Variants in CLEC16A observed in about 807,000 individuals in gnomAD.
CLEC16A encodes C-type lectin domain containing 16A.
Under a neutral mutation model 109.5 loss-of-function variants are expected in CLEC16A, and 51 were observed. The ratio of observed to expected loss-of-function variants is 0.47; its 90% confidence interval spans 0.37 to 0.59. CLEC16A has a LOEUF of 0.59. Ranked by LOEUF, CLEC16A falls within the 20% of genes least tolerant of loss-of-function variation. The pLI is 0.00. For synonymous variants in CLEC16A, 673 were observed against 564.2 expected (o/e 1.19, Z -2.73); for missense variants, 1,339 against 1,394.0 (o/e 0.96, Z 0.63).
chr16:11,160,550 C>T (rs1455676804), intron 22 of CLEC16A, among the ~76,000 whole-genome samples: 1 of 152,192 alleles, frequency 6.6e-6, no homozygotes, highest in Non-Finnish European at 1.5e-5. Flanking sequence ...ACCTAGATTC[C>T]ACCCAGCAGG....
intron 10 of CLEC16A, among the ~76,000 whole-genome samples, chr16:10,996,291 G>A (rs1435709325): frequency 2.0e-5 from 3 of 152,164 alleles, no homozygotes; most frequent in Non-Finnish European, 4.4e-5. Context: ...CTGGCTGGCC[G>A]GGGACCACTG....
chr16:11,052,201 G>A (rs894060120), intron 18 of CLEC16A, among the ~76,000 whole-genome samples: 1 of 152,188 alleles, frequency 6.6e-6, no homozygotes, highest in African/African-American at 2.4e-5. Flanking sequence ...CTAGGAAGCA[G>A]TGTCCTCAGG....
In CLEC16A at chr16:11,027,873, T is replaced by A; in HGVS notation, c.1537+2952T>A. The stretch of plus-strand genomic sequence containing the variant: ...CTTCAGAGAAGATTATTTCCTGCTC[T>A]GTCTTCAAAAACTGGAAAGGAAGGG... On this transcript the variant is annotated intron_variant, in intron 13 of 23. Transcript: ENST00000409790. The A allele has an allele frequency of 9.4e-6, 6 of 636,562 alleles. No individual in the cohort carries two copies. The South Asian group carries it at 1.1e-4, about 12-fold the overall frequency. The allele number at this position is 636,562 out of a possible 1,614,324, so 39.4% of individuals were successfully genotyped here. A position where few individuals can be genotyped will look rare whatever the true frequency, so the allele number is the denominator to read the frequency against.
chr16:11,131,275 C>G (rs947050996), intron 22 of CLEC16A, among the ~76,000 whole-genome samples: 1 of 152,220 alleles, frequency 6.6e-6, no homozygotes, highest in Admixed American at 6.5e-5. Flanking sequence ...ACAGCTGCTT[C>G]TAGAGATAGA....
intron 22 of CLEC16A, chr16:11,150,393 C>G (rs1026516481): frequency 7.2e-5 from 11 of 152,282 alleles, no homozygotes; most frequent in Non-Finnish European, 1.5e-5. Context: ...TTCACACATT[C>G]CTTTTCACGG....
At chr16:11,106,135 G>A (rs992874359) in intron 19 of CLEC16A, among the ~76,000 whole-genome samples, 1 of 152,186 alleles carries the variant, frequency 6.6e-6, no homozygotes, top group African/African-American at 2.4e-5. Context: ...CAAATCTGTT[G>A]TAATTTGCCT....
chr16:11,084,754 A>G (rs553375742), intron 19 of CLEC16A, among the ~76,000 whole-genome samples: 2 of 152,304 alleles, frequency 1.3e-5, no homozygotes, highest in Admixed American at 6.5e-5. Flanking sequence ...TATCTAGTAA[A>G]TCATTCGCGT....
chr16:11,152,652 T>C (rs1395419657), intron 22 of CLEC16A, among the ~76,000 whole-genome samples: 1 of 152,214 alleles, frequency 6.6e-6, no homozygotes, highest in Admixed American at 6.5e-5. Context: ...AGGTCCCCTG[T>C]AGCATTCACA....
intron 11 of CLEC16A, among the ~76,000 whole-genome samples, chr16:11,004,897 G>A (rs1357714106): frequency 6.6e-6 from 1 of 152,132 alleles, no homozygotes; most frequent in Non-Finnish European, 1.5e-5. Context: ...ACTGTGGTGG[G>A]GAGGGGAAGG....
At chr16:11,058,573 T>A (rs112276898) in intron 18 of CLEC16A, among the ~76,000 whole-genome samples, 1 of 152,108 alleles carries the variant, frequency 6.6e-6, no homozygotes, top group East Asian at 1.9e-4. Flanking sequence ...TCCACAGATA[T>A]GGAACCCATG....
chr16:11,002,837 C>T (rs1182534575), intron 10 of CLEC16A, among the ~76,000 whole-genome samples: 1 of 152,046 alleles, frequency 6.6e-6, no homozygotes, highest in South Asian at 2.1e-4. Flanking sequence ...ACTATGCCAT[C>T]GTGTGTATAC....
Position 10,957,855 on chromosome 16 carries a change from C to T in CLEC16A, c.154C>T (p.Arg52Cys), listed in dbSNP as rs2042064376. 1.2e-6 allele frequency: 2 copies of T among 1,613,746 alleles called. No individual in the cohort carries two copies. Among genetic ancestry groups the T allele is most frequent in the Non-Finnish European group, 1.7e-6 (2 of 1,179,678 alleles). The change falls in exon 2 of 24, where the codon CGT (arginine) becomes TGT (cysteine). Residue 52 changes from arginine (R) to cysteine (C), a missense_variant. Arg to Cys is a radical substitution (Grantham distance 180). Coordinates refer to ENST00000409790, the MANE Select transcript of CLEC16A (RefSeq NM_015226.3). ...CCGGAACCTGCTAGTGGAGACCATC[C>T]GTTCCATCACTGAGATCCTGATCTG... ...QNRNLLVETI[R>C]SITEILIWGD... is the part of the protein sequence containing the mutation.
At chr16:11,049,408 A>G (rs1471237208) in intron 17 of CLEC16A, among the ~76,000 whole-genome samples, 1 of 152,118 alleles carries the variant, frequency 6.6e-6, no homozygotes, top group Non-Finnish European at 1.5e-5. Flanking sequence ...ATACACAACA[A>G]CAAATACTCA....
At position 11,182,083 on chromosome 16, in the gene CLEC16A, A is replaced by G. The variant is rs2068973216; in HGVS notation, c.*3393A>G. ...CTCTAGGGAAGTACCTGCTTTCGCC[A>G]GCATGACTCATGCTTCGTGGGTACT... On this transcript the variant is annotated 3_prime_UTR_variant, in exon 24 of 24. Transcript: ENST00000409790. 1 of 152,374 alleles carries G rather than the reference A, an allele frequency of 6.6e-6. No homozygotes were observed. Among genetic ancestry groups the G allele is most frequent in the African/African-American group, 2.4e-5 (1 of 41,456 alleles). The allele number at this position is 152,374 out of a possible 1,614,324, so 9.4% of individuals were successfully genotyped here. A position where few individuals can be genotyped will look rare whatever the true frequency, so the allele number is the denominator to read the frequency against.
At chr16:11,018,695 G>A (rs1387241045) in intron 11 of CLEC16A, among the ~76,000 whole-genome samples, 1 of 145,762 alleles carries the variant, frequency 6.9e-6, no homozygotes, top group East Asian at 2.0e-4. Context: ...CTTGCAGTGA[G>A]CCGAGATCAT....
In CLEC16A at chr16:11,050,706, C is replaced by T. The variant is rs564792717; in HGVS notation, c.1867-807C>T. ...AGGCCGTCAGCTCTGGCCCAGTGGC[C>T]GTGGGCATGCGCCTTTCCTCCTCTG... On this transcript the variant is annotated intron_variant, in intron 17 of 23. Transcript: ENST00000409790. Among the ~76,000 whole-genome samples, 19 of 152,322 alleles carry T rather than the reference C, an allele frequency of 1.2e-4. No homozygotes were observed. The South Asian group carries it at 2.5e-3, about 20-fold the overall frequency.
At chr16:11,126,466 A>T in intron 22 of CLEC16A, 5 of 1,203,148 alleles carry the variant, frequency 4.2e-6, no homozygotes, top group Non-Finnish European at 5.6e-6. Context: ...GTTGTGGGAG[A>T]GTAATTTCCT....
At chr16:11,168,889 C>T (rs1469632636) in intron 23 of CLEC16A, among the ~76,000 whole-genome samples, 2 of 152,258 alleles carry the variant, frequency 1.3e-5, no homozygotes, top group Non-Finnish European at 1.5e-5. Context: ...GAGTGCGACT[C>T]AGCATTCAGG....
intron 19 of CLEC16A, among the ~76,000 whole-genome samples, chr16:11,112,662 A>AATAC (rs376800312): frequency 5.6e-4 from 85 of 152,108 alleles, no homozygotes; most frequent in African/African-American, 1.6e-3. Flanking sequence ...TATCTCAGTC[A>AATAC]ATACATACAT....
Sources: allele counts gnomAD v4.1 joint callset (sites outside exome capture counted in the v4.1 genomes callset), GRCh38; gene constraint gnomAD v4.1.1; transcripts MANE v1.5; gene names NCBI Gene and HGNC (gene_info 2026-07-23, HGNC 2026-07-21).